The following MX1 variants were observed in gnomAD, a reference collection of about 807,000 sequenced individuals.
MX1 encodes MX dynamin like GTPase 1, also known as interferon-induced GTP-binding protein Mx1.
MX1 carries 66 observed loss-of-function variants against 66.4 expected under a neutral mutation model. The ratio of observed to expected loss-of-function variants is 0.99; its 90% CI spans 0.82 to 1.22. MX1 has a LOEUF of 1.22. Ranked by LOEUF, MX1 falls within the 50% of genes most tolerant of loss-of-function variation. MX1 has a pLI of 0.00. For synonymous variants in MX1, 311 were observed against 318.1 expected (o/e 0.98, Z 0.24); for missense variants, 787 against 834.3 (o/e 0.94, Z 0.70).
At chr21:41,433,105 C>T (rs914099764) in intron 5 of MX1, among the ~76,000 whole-genome samples, 3 of 152,222 alleles carry the variant, frequency 2.0e-5, no homozygotes, top group Non-Finnish European at 4.4e-5. Context: ...GAGTGTGTCT[C>T]GTGATCTGGC....
rs757142989 is a variant in MX1 at position 41,440,954 on chromosome 21, A to G, written c.659A>G (p.Asn220Ser). Residue 220 changes from asparagine to serine, a missense_variant, in exon 9 of 17, where the codon AAT becomes AGT. Asn to Ser is a conservative substitution (Grantham distance 46, BLOSUM62 1). Transcript: ENST00000398598. ...ATCAGCCTGGTGGTGGTCCCCAGTA[A>G]TGTGGACATCGCCACCACAGAGGCT... Reference protein sequence around the residue: ...ETISLVVVPSNVDIATTEALS... With the variant: ...ETISLVVVPSSVDIATTEALS... The G allele has an allele frequency of 3.1e-6, 5 of 1,614,068 alleles. No homozygotes were observed. In the South Asian group the frequency reaches 5.5e-5, roughly 18 times the overall value.
intron 13 of MX1, among the ~76,000 whole-genome samples, chr21:41,446,466 G>C (rs2146283577): frequency 6.6e-6 from 1 of 152,278 alleles, no homozygotes; most frequent in East Asian, 1.9e-4. Context: ...AAACTTCTTG[G>C]TTCCTGGTGC....
intron 13 of MX1, among the ~76,000 whole-genome samples, chr21:41,448,534 G>A (rs760281638): frequency 4.6e-5 from 7 of 152,220 alleles, no homozygotes; most frequent in South Asian, 2.1e-4. Flanking sequence ...GGCCGGGCAC[G>A]GTGGCTCACG....
rs962964837 is a variant in MX1 at position 41,453,559 on chromosome 21, T to C, written c.1758+690T>C. Among the ~76,000 whole-genome samples, 88 of 152,332 alleles carry C rather than the reference T, an allele frequency of 5.8e-4. 1 individual carries two copies. Among genetic ancestry groups the C allele is most frequent in the African/African-American group, 2.0e-3 (85 of 41,564 alleles). ...ACGAGTGTGGATGATGATAATGGAT[T>C]GCTAATGGAAAAACCAAACTCTGTT... On this transcript the variant is annotated intron_variant, in intron 16 of 16. Coordinates refer to ENST00000398598, the MANE Select transcript of MX1 (RefSeq NM_002462.5).
upstream of MX1, chr21:41,426,117 G>T (rs1007125520): frequency 1.1e-4 from 20 of 174,376 alleles, no homozygotes; most frequent in African/African-American, 4.0e-4. Context: ...TGCGGGGCCA[G>T]GAGCTAGGTT....
chr21:41,424,796 G>A (rs776835631), upstream of MX1, among the ~76,000 whole-genome samples: 2 of 152,190 alleles, frequency 1.3e-5, no homozygotes, highest in African/African-American at 4.8e-5. Context: ...TTTAATTCGG[G>A]CCAACAGCAG....
At chr21:41,424,248 T>TGTGTGTGTGTGA (rs2090022517), upstream of MX1, among the ~76,000 whole-genome samples, 1 of 151,854 alleles carries the variant, frequency 6.6e-6, no homozygotes, top group African/African-American at 2.4e-5. Flanking sequence ...TGTGTGTGTG[T>TGTGTGTGTGTGA]GTGTGTGTGT....
intron 11 of MX1, 148 bp downstream of exon 11, chr21:41,444,014 G>T (rs1043174894): frequency 1.4e-6 from 1 of 734,668 alleles, no homozygotes; most frequent in Admixed American, 2.8e-5. Flanking sequence ...TCTGGAGTGG[G>T]GCCTAGAATT....
chr21:41,458,483 C>T (rs1569001577), intron 16 of MX1, 45 bp from the exon 17 acceptor site: 1 of 1,609,440 alleles, frequency 6.2e-7, no homozygotes, highest in Non-Finnish European at 8.5e-7. Context: ...GTCCCCTCCT[C>T]ACAGTGTCCC....
At position 41,437,127 on chromosome 21, in the gene MX1, A is replaced by G. The variant is rs575820040; in HGVS notation, c.411A>G (p.Ser137=). The change falls in exon 7 of 17, where the codon TCA becomes TCG. Residue 137 remains serine (S), a synonymous_variant. Transcript: ENST00000398598. ...ACGAGATTGAGATTTCGGATGCTTC[A>G]GAGGTAGAAAAGGAAATTAATAAAG... is the stretch of plus-strand genomic sequence containing the variant. ...QDYEIEISDA[S]EVEKEINKAQ... is the part of the protein sequence containing the mutation. 6.2e-7 allele frequency: 1 copy of G among 1,613,864 alleles called. No homozygotes were observed. Among genetic ancestry groups the G allele is most frequent in the African/African-American group, 1.3e-5 (1 of 74,878 alleles).
Position 41,437,123 on chromosome 21 carries a change from C to A in MX1, c.407C>A (p.Ala136Asp), listed in dbSNP as rs1444935521. ...YQDYEIEISD[A>D]SEVEKEINKA... is the part of the protein sequence containing the mutation. Reference sequence around the variant, plus strand: ...GACTACGAGATTGAGATTTCGGATGCTTCAGAGGTAGAAAAGGAAATTAAT... The same window carrying A: ...GACTACGAGATTGAGATTTCGGATGATTCAGAGGTAGAAAAGGAAATTAAT... Residue 136 changes from alanine (A) to aspartate (D), a missense_variant, in exon 7 of 17, where the codon GCT becomes GAT. By Grantham distance (126) the Ala-to-Asp change is moderately radical. Coordinates refer to ENST00000398598, the MANE Select transcript of MX1 (RefSeq NM_002462.5). The A allele has an allele frequency of 2.5e-5, 40 of 1,613,824 alleles. No individual in the cohort carries two copies. Among genetic ancestry groups the A allele is most frequent in the Non-Finnish European group, 3.1e-5 (36 of 1,179,938 alleles).
intron 6 of MX1, 74 bp downstream of exon 6, chr21:41,436,103 A>G (rs1020045165): frequency 4.6e-6 from 7 of 1,523,192 alleles, no homozygotes; most frequent in African/African-American, 2.8e-5. Flanking sequence ...GGCTTATACA[A>G]CAAAAGTTTA....
At chr21:41,447,683 G>A (rs2090701690) in intron 13 of MX1, among the ~76,000 whole-genome samples, 1 of 152,106 alleles carries the variant, frequency 6.6e-6, no homozygotes, top group South Asian at 2.1e-4. Flanking sequence ...TTATGTCTGG[G>A]GATGGTCGCA....
rs370437414 is a variant in MX1, at chr21:41,441,861, G to A, written c.876G>A (p.Leu292=). 4 of 1,614,102 alleles carry A rather than the reference G, an allele frequency of 2.5e-6. No homozygotes were observed. Among genetic ancestry groups the A allele is most frequent in the Non-Finnish European group, 3.4e-6 (4 of 1,180,052 alleles). The change falls in exon 10 of 17, where the codon CTG becomes CTA. Residue 292 remains leucine, a synonymous_variant. Coordinates refer to ENST00000398598, the MANE Select transcript of MX1 (RefSeq NM_002462.5). The surrounding 1 kb of genome is among the most constrained non-coding windows in gnomAD (Gnocchi z 4.0). ...AGGAGATCCAGGACCAGCTGAGCCTGTCCGAAGCCCTGCAGAGAGAGAAGA... is the reference window on the plus strand; with the variant it reads ...AGGAGATCCAGGACCAGCTGAGCCTATCCGAAGCCCTGCAGAGAGAGAAGA... The part of the protein sequence containing the change: ...GQQEIQDQLS[L]SEALQREKIF...
upstream of MX1, among the ~76,000 whole-genome samples, chr21:41,425,249 A>T (rs2090038277): frequency 6.6e-6 from 1 of 152,196 alleles, no homozygotes; most frequent in Non-Finnish European, 1.5e-5. Flanking sequence ...GAAGGGAGAT[A>T]GGGGTGGGGC....
rs2090868024 is a variant in MX1, at chr21:41,452,807, T to A, written c.1696T>A (p.Ser566Thr). The A allele has an allele frequency of 1.9e-6, 3 of 1,613,998 alleles. No individual in the cohort carries two copies. The highest frequency in any genetic ancestry group is 2.5e-6 in the Non-Finnish European group (3 of 1,180,022). Reference sequence around the variant, plus strand: ...ATCCTGGGATTTTGGGGCTTTCCAGTCCAGCTCGGCAACAGACTCTTCCAT... The same window carrying A: ...ATCCTGGGATTTTGGGGCTTTCCAGACCAGCTCGGCAACAGACTCTTCCAT... Reference protein sequence around the residue: ...KKSWDFGAFQSSSATDSSMEE... With the variant: ...KKSWDFGAFQTSSATDSSMEE... The change falls in exon 16 of 17, where the codon TCC (serine) becomes ACC (threonine). Residue 566 changes from serine (S) to threonine (T), a missense_variant. By Grantham distance (58) the Ser-to-Thr change is moderately conservative. Coordinates refer to ENST00000398598, the MANE Select transcript of MX1 (RefSeq NM_002462.5).
intron 15 of MX1, among the ~76,000 whole-genome samples, chr21:41,451,834 C>CAAA (rs559021046): frequency 3.9e-5 from 2 of 51,484 alleles, no homozygotes; most frequent in East Asian, 4.6e-4. Flanking sequence ...GACCCCGTCT[C>CAAA]AAAAAAAAAA....
chr21:41,423,410 G>A (rs1191954021), upstream of MX1: 1 of 152,254 alleles, frequency 6.6e-6, no homozygotes, highest in Non-Finnish European at 1.5e-5. Context: ...CCATTGCTGG[G>A]TCGAATGCCT....
At chr21:41,451,593 G>A (rs990925318) in intron 15 of MX1, among the ~76,000 whole-genome samples, 1 of 152,142 alleles carries the variant, frequency 6.6e-6, no homozygotes, top group Non-Finnish European at 1.5e-5. Flanking sequence ...CAGCACTTTG[G>A]GAGGCTGAGG....
Sources: gnomAD v4.1 joint callset for allele counts (sites outside exome capture counted in the v4.1 genomes callset) on GRCh38, gnomAD v4.1.1 for gene constraint, Gnocchi (gnomAD v3.1) non-coding constraint, MANE v1.5 for transcripts, NCBI Gene and HGNC (gene_info 2026-07-23, HGNC 2026-07-21) for gene names.